PTPRN2: variants seen among roughly 807,000 people sequenced by gnomAD.
The protein encoded by PTPRN2 is protein tyrosine phosphatase receptor type N2, also known as receptor-type tyrosine-protein phosphatase N2.
Under a neutral mutation model 118.8 loss-of-function variants are expected in PTPRN2, and 74 were observed. The ratio of observed to expected loss-of-function variants is 0.62; its 90% CI spans 0.52 to 0.76. The LOEUF (loss-of-function observed/expected upper bound fraction) is 0.76, where lower values mean the gene tolerates loss of function less well. PTPRN2 is among the 30% of genes least tolerant of loss of function. The probability of loss-of-function intolerance (pLI) is 0.00; values close to 1 mark genes in which losing one functional copy is unlikely to be tolerated. For missense variants in PTPRN2, 1,481 were observed against 1,394.4 expected, an observed-to-expected ratio of 1.06 and a Z score of -0.99; for synonymous variants, 641 against 608.0, an observed-to-expected ratio of 1.05 and a Z score of -0.80.
At chr7:157,565,419 G>T (rs908353459) in intron 21 of PTPRN2, among the ~76,000 whole-genome samples, 1 of 152,364 alleles carries the variant, frequency 6.6e-6, no homozygotes, top group Admixed American at 6.5e-5. Context: ...TCTGCACCTT[G>T]TCAACAGCCA....
rs200919075 is a variant in PTPRN2, at chr7:158,058,878, A to G, written c.1723+22420T>C. ...CTGCAGCCACACTCCATCTGCCCAC[A>G]GTGAGACACCACTGCAGCCACACTC... is the stretch of plus-strand genomic sequence containing the variant. On this transcript the variant is annotated intron_variant, in intron 11 of 22. Transcript: ENST00000389418. 7.3e-3 allele frequency among the ~76,000 whole-genome samples: 676 copies of G among 92,618 alleles called. 22 individuals are homozygous for G. The highest frequency in any genetic ancestry group is 0.021 in the East Asian group (58 of 2,708). 60.8% of individuals were successfully genotyped at this position (92,618 alleles called of 152,430 possible).
intron 2 of PTPRN2, among the ~76,000 whole-genome samples, chr7:158,470,091 C>G (rs1819743264): frequency 6.6e-6 from 1 of 152,066 alleles, no homozygotes; most frequent in Non-Finnish European, 1.5e-5. Flanking sequence ...CAACGGGCTG[C>G]CATCATAACA....
chr7:157,952,949 G>A (rs547423767), intron 11 of PTPRN2, among the ~76,000 whole-genome samples: 1 of 152,192 alleles, frequency 6.6e-6, no homozygotes, highest in South Asian at 2.1e-4. Context: ...GCAGGTGGGA[G>A]AAAGCCATGC....
chr7:158,021,182 A>G (rs1349412165), intron 11 of PTPRN2, among the ~76,000 whole-genome samples: 1 of 152,170 alleles, frequency 6.6e-6, no homozygotes, highest in East Asian at 1.9e-4. Flanking sequence ...ATTTCCTCCA[A>G]TTTGTTGACA....
At chr7:158,096,376 T>A (rs1814626328) in intron 10 of PTPRN2, among the ~76,000 whole-genome samples, 1 of 152,202 alleles carries the variant, frequency 6.6e-6, no homozygotes, top group Admixed American at 6.5e-5. Context: ...GAAACTGCTC[T>A]CCTCCTAAAT....
intron 12 of PTPRN2, among the ~76,000 whole-genome samples, chr7:157,793,609 C>T (rs76146670): frequency 0.028 from 4,273 of 152,272 alleles, 187 homozygotes; most frequent in African/African-American, 0.094. Context: ...GCTCGCCCTC[C>T]GGCTGTCAGG....
At chr7:157,752,363 G>C (rs529734457) in intron 12 of PTPRN2, among the ~76,000 whole-genome samples, 4 of 152,230 alleles carry the variant, frequency 2.6e-5, no homozygotes, top group African/African-American at 9.6e-5. Context: ...GAGAGCCCCA[G>C]AGGGGGCAGG....
chr7:157,820,121 CACAT>C (rs1411977155), intron 12 of PTPRN2, among the ~76,000 whole-genome samples: 1 of 151,784 alleles, frequency 6.6e-6, no homozygotes, highest in African/African-American at 2.4e-5. Flanking sequence ...ACATGCACTC[CACAT>C]ACATGCACAC....
rs374440266 is a variant in PTPRN2, at chr7:158,133,672, C to T, written c.1556+5G>A. The T allele has an allele frequency of 6.4e-7, 1 of 1,563,382 alleles. No homozygotes were observed. Among genetic ancestry groups the T allele is most frequent in the Non-Finnish European group, 8.7e-7 (1 of 1,155,768 alleles). ...CACAGGAGCTTAGCCAGGGCTGCTA[C>T]TCACTCTCTGTCTGTCACGATGTAG... On this transcript the variant is annotated splice_donor_5th_base_variant and intron_variant, in intron 9 of 22. Coordinates refer to ENST00000389418, the MANE Select transcript of PTPRN2 (RefSeq NM_002847.5).
intron 6 of PTPRN2, among the ~76,000 whole-genome samples, chr7:158,166,002 A>T (rs569379270): frequency 7.9e-5 from 12 of 152,234 alleles, no homozygotes; most frequent in Admixed American, 7.8e-4. Context: ...GGCTACGGTC[A>T]CATGCTGGGC....
intron 11 of PTPRN2, among the ~76,000 whole-genome samples, chr7:158,080,579 T>TAAAAAAAAAA (rs372522598): frequency 2.1e-5 from 3 of 141,866 alleles, no homozygotes; most frequent in Non-Finnish European, 3.0e-5. Context: ...TCAACAAGTT[T>TAAAAAAAAAA]AAAAAAAAAA....
intron 11 of PTPRN2, among the ~76,000 whole-genome samples, chr7:157,918,921 G>A (rs1281436141): frequency 2.6e-5 from 4 of 152,136 alleles, no homozygotes; most frequent in Non-Finnish European, 5.9e-5. Flanking sequence ...AACTGCACCC[G>A]GCACTAACCC....
chr7:157,661,930 G>A (rs762870085), intron 13 of PTPRN2, among the ~76,000 whole-genome samples: 3 of 152,218 alleles, frequency 2.0e-5, no homozygotes, highest in Admixed American at 6.5e-5. Flanking sequence ...CAGAGGCAAC[G>A]GGGCCACCAT....
chr7:157,827,362 C>CCACAA (rs57453915), intron 12 of PTPRN2, among the ~76,000 whole-genome samples: 49,560 of 146,470 alleles, frequency 0.34, 8,689 homozygotes, highest in African/African-American at 0.4. Context: ...AAGCCAGAGA[C>CCACAA]CACAACACAA....
chr7:157,976,465 C>T (rs894262876), intron 11 of PTPRN2, among the ~76,000 whole-genome samples: 7 of 148,682 alleles, frequency 4.7e-5, no homozygotes, highest in Admixed American at 2.7e-4. Context: ...GCAAGCCCCC[C>T]CCACCAATTA....
At chr7:157,667,016 C>T (rs1204601331) in intron 13 of PTPRN2, among the ~76,000 whole-genome samples, 2 of 107,384 alleles carry the variant, frequency 1.9e-5, no homozygotes, top group African/African-American at 6.8e-5. Flanking sequence ...AATGAGTACA[C>T]AGCCTGACTT....
intron 3 of PTPRN2, among the ~76,000 whole-genome samples, chr7:158,253,697 A>G (rs531513022): frequency 1.8e-3 from 278 of 152,336 alleles, no homozygotes; most frequent in African/African-American, 6.4e-3. Context: ...CTTGAATAAC[A>G]AGGTGTCCAG....
intron 12 of PTPRN2, among the ~76,000 whole-genome samples, chr7:157,708,270 C>A (rs542119128): frequency 3.9e-5 from 6 of 152,354 alleles, no homozygotes; most frequent in Admixed American, 3.9e-4. Flanking sequence ...CTCCCTGGTG[C>A]CAGTTCCCTC....
At chr7:158,340,539 C>A (rs540792146) in intron 2 of PTPRN2, among the ~76,000 whole-genome samples, 1 of 124,194 alleles carries the variant, frequency 8.1e-6, no homozygotes, top group Non-Finnish European at 1.8e-5. Flanking sequence ...TAAGAGCTGT[C>A]GCCCGCAGAG....
Sources: gnomAD v4.1 joint callset for allele counts (sites outside exome capture counted in the v4.1 genomes callset) on GRCh38, gnomAD v4.1.1 for gene constraint, MANE v1.5 for transcripts, NCBI Gene and HGNC (gene_info 2026-07-23, HGNC 2026-07-21) for gene names.